Variants in SYTL5 observed in about 807,000 individuals in gnomAD.
The protein encoded by SYTL5 is synaptotagmin like 5, also known as synaptotagmin-like protein 5.
In SYTL5, 34 loss-of-function variants were observed where a neutral mutation model predicts 55.9. That is an observed-to-expected ratio of 0.61 (90% confidence interval 0.46 to 0.81). SYTL5 has a LOEUF of 0.81. Ranked by LOEUF, SYTL5 falls within the 30% of genes least tolerant of loss-of-function variation. SYTL5 has a pLI of 0.00. For synonymous variants in SYTL5, 221 were observed against 188.7 expected, an observed-to-expected ratio of 1.17 and a Z score of -1.40; for missense variants, 637 against 546.7, an observed-to-expected ratio of 1.17 and a Z score of -1.65.
intron 2 of SYTL5, among the ~76,000 whole-genome samples, chrX:38,037,851 A>G (rs1292999877): frequency 9.1e-6 from 1 of 109,988 alleles, no homozygotes; most frequent in Admixed American, 9.8e-5. Context: ...TATTTATTAT[A>G]AAGAATTGGC....
the SYTL5 span, among the ~76,000 whole-genome samples, chrX:37,901,954 A>G: frequency 8.9e-6 from 1 of 112,186 alleles, no homozygotes; most frequent in South Asian, 3.7e-4. Context: ...GATAGGTAAT[A>G]AACAAATATA....
At chrX:37,930,665 T>G in the SYTL5 span, among the ~76,000 whole-genome samples, 1 of 112,264 alleles carries the variant, frequency 8.9e-6, no homozygotes, top group African/African-American at 3.2e-5. Context: ...CCTGATTAAT[T>G]TCGCACAAAA....
At chrX:38,084,282 C>A (rs1355703547) in intron 6 of SYTL5, among the ~76,000 whole-genome samples, 1 of 112,183 alleles carries the variant, frequency 8.9e-6, no homozygotes, top group African/African-American at 3.2e-5. Flanking sequence ...CAGTCCTATC[C>A]CCATACCTCA....
intron 1 of SYTL5, among the ~76,000 whole-genome samples, chrX:38,012,165 G>A (rs765439573): frequency 8.9e-6 from 1 of 112,062 alleles, no homozygotes; most frequent in Non-Finnish European, 1.9e-5. Flanking sequence ...ATAAGAACAT[G>A]TCTGATTCAT....
At chrX:38,084,252 G>A (rs1441984832) in intron 6 of SYTL5, among the ~76,000 whole-genome samples, 2 of 112,329 alleles carry the variant, frequency 1.8e-5, no homozygotes, top group South Asian at 3.7e-4. Context: ...GGTACACACA[G>A]GGAGGGCATG....
intron 1 of SYTL5, among the ~76,000 whole-genome samples, chrX:38,007,313 A>T (rs1013196798): frequency 4.5e-5 from 5 of 111,882 alleles, no homozygotes; most frequent in Non-Finnish European, 9.4e-5. Context: ...ATTAACTGTG[A>T]ACATTAATAT....
the SYTL5 span, among the ~76,000 whole-genome samples, chrX:37,950,409 G>A: frequency 1.8e-5 from 2 of 111,517 alleles, no homozygotes; most frequent in Admixed American, 1.9e-4. Context: ...GCTGTTTTAG[G>A]TAGGAAGATT....
chrX:38,126,332 C>T (rs937379463), intron 16 of SYTL5, among the ~76,000 whole-genome samples: 1 of 112,421 alleles, frequency 8.9e-6, no homozygotes, highest in Admixed American at 9.4e-5. Flanking sequence ...GATGAACCAG[C>T]TCTCTGCTAA....
At chrX:38,124,017 T>A (rs1400832185) in intron 15 of SYTL5, among the ~76,000 whole-genome samples, 3 of 111,155 alleles carry the variant, frequency 2.7e-5, no homozygotes, top group African/African-American at 9.8e-5. Context: ...AGACTGAAGG[T>A]AAGGTCCCCA....
At chrX:38,107,794 C>T (rs1458858625) in intron 11 of SYTL5, among the ~76,000 whole-genome samples, 1 of 112,024 alleles carries the variant, frequency 8.9e-6, no homozygotes, top group Non-Finnish European at 1.9e-5. Flanking sequence ...ACAGATTGGT[C>T]CACCTGCCTC....
At chrX:38,098,134 G>T (rs928483459) in intron 9 of SYTL5, among the ~76,000 whole-genome samples, 1 of 110,196 alleles carries the variant, frequency 9.1e-6, no homozygotes, top group Non-Finnish European at 1.9e-5. Context: ...GTTAGGCAAA[G>T]AATTCTTAAA....
chrX:37,903,200 G>GTA, the SYTL5 span, among the ~76,000 whole-genome samples: 3 of 110,770 alleles, frequency 2.7e-5, no homozygotes, highest in Non-Finnish European at 5.7e-5. Flanking sequence ...CCATTACTGG[G>GTA]TATATACCCA....
the SYTL5 span, among the ~76,000 whole-genome samples, chrX:37,957,011 T>C: frequency 8.9e-6 from 1 of 111,986 alleles, no homozygotes; most frequent in Non-Finnish European, 1.9e-5. Context: ...CTCATTGTGG[T>C]TTTGATTTAC....
intron 7 of SYTL5, 29 bp from the exon 8 acceptor site, chrX:38,094,266 T>C (rs774874421): frequency 1.7e-5 from 20 of 1,171,521 alleles, no homozygotes; most frequent in Non-Finnish European, 2.3e-5. Flanking sequence ...GTCAGTATAA[T>C]TTTTTTCTCA....
intron 1 of SYTL5, among the ~76,000 whole-genome samples, chrX:38,019,978 G>C (rs772703959): frequency 9.0e-6 from 1 of 111,543 alleles, no homozygotes; most frequent in African/African-American, 3.3e-5. Flanking sequence ...TTTACTGCAC[G>C]AACATTTATA....
At chrX:38,045,851 A>G (rs1409439868) in intron 2 of SYTL5, among the ~76,000 whole-genome samples, 3 of 111,577 alleles carry the variant, frequency 2.7e-5, no homozygotes, top group Non-Finnish European at 5.6e-5. Context: ...TCTCTTGGGG[A>G]ATATTTGTCA....
At chrX:38,097,942 T>A (rs2147557183) in intron 9 of SYTL5, among the ~76,000 whole-genome samples, 1 of 109,604 alleles carries the variant, frequency 9.1e-6, no homozygotes, top group African/African-American at 3.3e-5. Context: ...AAGAATAACC[T>A]TTTCAACAAA....
the SYTL5 span, among the ~76,000 whole-genome samples, chrX:37,968,540 C>T: frequency 9.0e-6 from 1 of 111,276 alleles, no homozygotes; most frequent in Admixed American, 9.5e-5. Context: ...CCCCTTAACC[C>T]CCAAATTTAC....
At chrX:38,026,313 A>G (rs771073783) in intron 1 of SYTL5, among the ~76,000 whole-genome samples, 15 of 111,269 alleles carry the variant, frequency 1.3e-4, no homozygotes, top group Non-Finnish European at 2.8e-4. Context: ...CTATCTTACT[A>G]AATTTATAGT....
Sources: allele counts gnomAD v4.1 joint callset (sites outside exome capture counted in the v4.1 genomes callset), GRCh38; gene constraint gnomAD v4.1.1; transcripts MANE v1.5; gene names NCBI Gene and HGNC (gene_info 2026-07-23, HGNC 2026-07-21).